Variants in MEF2C observed in about 807,000 individuals in gnomAD.
MEF2C encodes the protein myocyte-specific enhancer factor 2C.
MEF2C carries 6 observed loss-of-function variants against 50.5 expected under a neutral mutation model. The observed-to-expected ratio is 0.12, with a 90% CI of 0.07 to 0.23. The LOEUF (loss-of-function observed/expected upper bound fraction) is 0.23, where lower values mean the gene tolerates loss of function less well. Ranked by LOEUF, MEF2C falls within the 10% of genes least tolerant of loss-of-function variation. The pLI is 1.00. For synonymous variants in MEF2C, 183 were observed against 228.0 expected, an observed-to-expected ratio of 0.80 and a Z score of 1.78; for missense variants, 276 against 605.0, an observed-to-expected ratio of 0.46 and a Z score of 5.70.
intron 3 of MEF2C, among the ~76,000 whole-genome samples, chr5:88,781,366 G>C (rs189116331): frequency 6.6e-6 from 1 of 152,274 alleles, no homozygotes; most frequent in East Asian, 1.9e-4. Flanking sequence ...TGTGCTAATG[G>C]CTATATATGT....
At chr5:88,837,153 G>A (rs1815482348) in intron 1 of MEF2C, among the ~76,000 whole-genome samples, 1 of 152,006 alleles carries the variant, frequency 6.6e-6, no homozygotes, top group Non-Finnish European at 1.5e-5. Flanking sequence ...CCTTGGAAAT[G>A]CTAGCTTTAA....
At chr5:88,878,781 T>G (rs1020562868) in intron 1 of MEF2C, among the ~76,000 whole-genome samples, 1 of 151,998 alleles carries the variant, frequency 6.6e-6, no homozygotes, top group African/African-American at 2.4e-5. Context: ...GATATTTTAG[T>G]GTGTAAATGA....
intron 1 of MEF2C, among the ~76,000 whole-genome samples, chr5:88,859,958 A>C (rs1326537319): frequency 2.0e-5 from 3 of 152,212 alleles, no homozygotes; most frequent in Non-Finnish European, 2.9e-5. Context: ...TTCATGATAA[A>C]GTTTCTTAAA....
intron 3 of MEF2C, chr5:88,785,545 G>A (rs1790456306): frequency 6.6e-6 from 1 of 152,112 alleles, no homozygotes; most frequent in Admixed American, 6.6e-5. Flanking sequence ...ACTAAAATGA[G>A]TCAGCTGCTC....
intron 2 of MEF2C, among the ~76,000 whole-genome samples, chr5:88,822,911 T>C (rs1167844314): frequency 6.6e-6 from 1 of 151,952 alleles, no homozygotes; most frequent in Non-Finnish European, 1.5e-5. Context: ...CCCAGGACCA[T>C]TATTTGATAT....
At chr5:88,849,503 A>G (rs1050098865) in intron 1 of MEF2C, among the ~76,000 whole-genome samples, 4 of 152,226 alleles carry the variant, frequency 2.6e-5, no homozygotes, top group African/African-American at 9.6e-5. Context: ...AAAAATCTAC[A>G]ATAAAAGTTT....
At chr5:88,823,960 T>C in intron 1 of MEF2C, 30 bp from the exon 2 acceptor site, 1 of 1,419,542 alleles carries the variant, frequency 7.0e-7, no homozygotes, top group Admixed American at 2.6e-5. Flanking sequence ...TAAATACCAC[T>C]CTAACAGCAA....
intron 2 of MEF2C, among the ~76,000 whole-genome samples, chr5:88,821,550 C>T (rs1160362885): frequency 1.3e-5 from 2 of 151,936 alleles, no homozygotes; most frequent in Non-Finnish European, 2.9e-5. Flanking sequence ...CTACCACTCC[C>T]GGCTTTAAAA....
chr5:88,725,956 G>A (rs1485590041), intron 10 of MEF2C, among the ~76,000 whole-genome samples: 1 of 151,980 alleles, frequency 6.6e-6, no homozygotes, highest in African/African-American at 2.4e-5. Context: ...GTATTCAAAG[G>A]ACTTTCATTA....
At chr5:88,746,444 T>A in intron 6 of MEF2C, 2 of 833,870 alleles carry the variant, frequency 2.4e-6, no homozygotes, top group Non-Finnish European at 2.8e-6. Context: ...CCTCTCACTT[T>A]TTTTTTTTTT....
At chr5:88,871,689 G>A (rs1002370650) in intron 1 of MEF2C, among the ~76,000 whole-genome samples, 8 of 151,974 alleles carry the variant, frequency 5.3e-5, no homozygotes, top group African/African-American at 1.9e-4. Flanking sequence ...GGGGTTCCCT[G>A]ACACCAGTAA....
upstream of MEF2C, among the ~76,000 whole-genome samples, chr5:88,887,950 C>T (rs1441782946): frequency 6.6e-6 from 1 of 152,196 alleles, no homozygotes; most frequent in Non-Finnish European, 1.5e-5. Context: ...ATCTGTATTT[C>T]TGTACCTTCA....
chr5:88,761,977 A>C (rs1486334045), intron 3 of MEF2C: 4 of 142,928 alleles, frequency 2.8e-5, no homozygotes, highest in Admixed American at 6.8e-5. Context: ...AATACTGAGA[A>C]GGTCTCTTCC....
chr5:88,878,200 T>C (rs1205981456), intron 1 of MEF2C, among the ~76,000 whole-genome samples: 1 of 152,036 alleles, frequency 6.6e-6, no homozygotes, highest in East Asian at 1.9e-4. Flanking sequence ...CAATCTAGTG[T>C]CTACACTTGG....
intron 3 of MEF2C, among the ~76,000 whole-genome samples, chr5:88,794,183 T>C (rs1371443085): frequency 6.6e-6 from 1 of 152,196 alleles, no homozygotes; most frequent in Non-Finnish European, 1.5e-5. Context: ...CTGGGTCAAA[T>C]GGTATTTCTG....
At position 88,738,277 on chromosome 5, in the gene MEF2C, A is replaced by G. The variant is rs1350034919; in HGVS notation, c.638-6376T>C. On this transcript the variant is annotated intron_variant, in intron 6 of 10. Coordinates refer to ENST00000504921, the MANE Select transcript of MEF2C (RefSeq NM_002397.5). The stretch of plus-strand genomic sequence containing the variant: ...TCATTGACAATCTTACCATCCAACA[A>G]TATTAGCAATCGCTAACACAGTGTA... The G allele has an allele frequency of 5.1e-6, 5 of 984,976 alleles. No homozygotes were observed. The East Asian group carries it at 4.5e-4, about 89-fold the overall frequency. The allele number at this position is 984,976 out of a possible 1,614,324, so 61.0% of individuals were successfully genotyped here.
chr5:88,854,949 TA>T (rs1205732908), intron 1 of MEF2C, among the ~76,000 whole-genome samples: 2 of 152,192 alleles, frequency 1.3e-5, no homozygotes, highest in African/African-American at 4.8e-5. Flanking sequence ...ATTCTAATTT[TA>T]GTATTTATGT....
At chr5:88,768,795 A>G (rs1438463524) in intron 3 of MEF2C, 1 of 568,146 alleles carries the variant, frequency 1.8e-6, no homozygotes, top group African/African-American at 2.0e-5. Flanking sequence ...TTAAAACTCA[A>G]TGTTTTTATT....
chr5:88,868,472 T>C (rs1156319781), intron 1 of MEF2C, among the ~76,000 whole-genome samples: 2 of 152,174 alleles, frequency 1.3e-5, no homozygotes, highest in Non-Finnish European at 2.9e-5. Context: ...TGGAGTTTTG[T>C]CTTGAAAGGA....
Sources: gnomAD v4.1 joint callset for allele counts (sites outside exome capture counted in the v4.1 genomes callset) on GRCh38, gnomAD v4.1.1 for gene constraint, MANE v1.5 for transcripts, NCBI Gene and HGNC (gene_info 2026-07-23, HGNC 2026-07-21) for gene names.